Variants in KAZN observed in about 807,000 individuals in gnomAD.
KAZN encodes kazrin, periplakin interacting protein, also known as kazrin.
Under a neutral mutation model 87.4 loss-of-function variants are expected in KAZN, and 40 were observed. The ratio of observed to expected loss-of-function variants is 0.46; its 90% CI spans 0.36 to 0.60. The LOEUF is 0.60. KAZN is among the 20% of genes least tolerant of loss of function. The pLI is 0.00. For missense variants in KAZN, 898 were observed against 1,073.9 expected, an observed-to-expected ratio of 0.84 and a Z score of 2.29; for synonymous variants, 466 against 458.3, an observed-to-expected ratio of 1.02 and a Z score of -0.22.
intron 1 of KAZN, among the ~76,000 whole-genome samples, chr1:13,953,672 T>C (rs551542382): frequency 1.1e-4 from 17 of 152,306 alleles, no homozygotes; most frequent in Middle Eastern, 3.4e-3. Flanking sequence ...AGTTCACTAC[T>C]GTATTTCTAA....
intron 2 of KAZN, among the ~76,000 whole-genome samples, chr1:14,513,648 G>C (rs779974604): frequency 2.0e-5 from 3 of 152,104 alleles, no homozygotes; most frequent in African/African-American, 7.2e-5. Flanking sequence ...CTAAATGCCG[G>C]ATATTTTATA....
At chr1:14,780,204 C>T (rs1339609127) in intron 1 of KAZN, among the ~76,000 whole-genome samples, 5 of 152,186 alleles carry the variant, frequency 3.3e-5, no homozygotes, top group Non-Finnish European at 5.9e-5. Context: ...AGCCTTGGCC[C>T]GATCTTTGCT....
At chr1:14,867,724 A>ACCCCCCCCCCCCC (rs1553148134) in intron 1 of KAZN, among the ~76,000 whole-genome samples, 1 of 107,422 alleles carries the variant, frequency 9.3e-6, no homozygotes, top group African/African-American at 3.7e-5. Context: ...CTTTGAAGAC[A>ACCCCCCCCCCCCC]CCCCCCCCCC....
At chr1:14,895,319 C>A (rs946771793) in intron 1 of KAZN, among the ~76,000 whole-genome samples, 1 of 152,242 alleles carries the variant, frequency 6.6e-6, no homozygotes, top group African/African-American at 2.4e-5. Context: ...GGCAACTCTG[C>A]CAGCCAGGAA....
chr1:14,887,807 C>G (rs543739063), intron 1 of KAZN, among the ~76,000 whole-genome samples: 10 of 151,950 alleles, frequency 6.6e-5, no homozygotes, highest in Non-Finnish European at 1.2e-4. Context: ...GTTTCCCTTC[C>G]TTCTTTCTCT....
intron 8 of KAZN, among the ~76,000 whole-genome samples, chr1:15,070,974 G>A (rs1486990944): frequency 1.3e-5 from 2 of 152,214 alleles, no homozygotes; most frequent in Non-Finnish European, 2.9e-5. Context: ...CCCGGTCCCT[G>A]GCCCCCACCT....
At chr1:14,855,185 A>G (rs868832394) in intron 1 of KAZN, among the ~76,000 whole-genome samples, 1 of 152,190 alleles carries the variant, frequency 6.6e-6, no homozygotes, top group South Asian at 2.1e-4. Context: ...TAAACTGATT[A>G]GGACTTTAAG....
chr1:14,201,124 G>A (rs573742262), intron 2 of KAZN, among the ~76,000 whole-genome samples: 2 of 152,310 alleles, frequency 1.3e-5, no homozygotes, highest in African/African-American at 4.8e-5. Context: ...CAGAGATCTG[G>A]TTTTGCATCT....
At chr1:14,727,554 A>G (rs1038788568) in intron 1 of KAZN, among the ~76,000 whole-genome samples, 2 of 134,424 alleles carry the variant, frequency 1.5e-5, no homozygotes, top group Non-Finnish European at 3.0e-5. Flanking sequence ...ATCTCGGCAC[A>G]CTGCAACCTC....
intron 2 of KAZN, among the ~76,000 whole-genome samples, chr1:14,382,357 G>A (rs1661437673): frequency 6.6e-6 from 1 of 151,802 alleles, no homozygotes; most frequent in Admixed American, 6.6e-5. Flanking sequence ...TAGGGTACAT[G>A]TGCACAATGT....
chr1:14,994,855 A>T (rs1467950667), intron 2 of KAZN, among the ~76,000 whole-genome samples: 1 of 152,226 alleles, frequency 6.6e-6, no homozygotes, highest in Non-Finnish European at 1.5e-5. Context: ...ATGTCACTTC[A>T]GCCAGTTCCT....
chr1:14,873,307 G>C (rs1037499103), intron 1 of KAZN, among the ~76,000 whole-genome samples: 3 of 152,216 alleles, frequency 2.0e-5, no homozygotes, highest in African/African-American at 7.2e-5. Context: ...CTAAAGGGGA[G>C]AGTCAGATGT....
At chr1:15,037,792 G>T (rs1672490814) in intron 3 of KAZN, among the ~76,000 whole-genome samples, 2 of 152,144 alleles carry the variant, frequency 1.3e-5, no homozygotes, top group South Asian at 4.1e-4. Flanking sequence ...ACAGACCCCA[G>T]TCGTAGGTCT....
rs573144608 is a variant in KAZN, at chr1:14,939,626, T to A, written c.227-21058T>A. Reference sequence around the variant, plus strand: ...ATTGGCAGTGGGAGGTGCCTCTGCATTGGGACGTGCCTCTTGCATAGGGTG... The same window carrying A: ...ATTGGCAGTGGGAGGTGCCTCTGCAATGGGACGTGCCTCTTGCATAGGGTG... On this transcript the variant is annotated intron_variant, in intron 1 of 14. Transcript: ENST00000376030. Among the ~76,000 whole-genome samples the A allele has an allele frequency of 5.3e-5, 8 of 152,238 alleles. No individual in the cohort carries two copies. The South Asian group carries it at 1.7e-3, about 32-fold the overall frequency.
At chr1:14,693,487 G>A (rs1195465834) in intron 1 of KAZN, among the ~76,000 whole-genome samples, 2 of 152,188 alleles carry the variant, frequency 1.3e-5, no homozygotes, top group South Asian at 2.1e-4. Context: ...CTCGTCTTAC[G>A]TTGTTTTACC....
chr1:13,933,036 A>G (rs1056104437), intron 1 of KAZN, among the ~76,000 whole-genome samples: 1 of 152,196 alleles, frequency 6.6e-6, no homozygotes, highest in Non-Finnish European at 1.5e-5. Flanking sequence ...GTTAATATCT[A>G]ACATTCCAAT....
intron 1 of KAZN, among the ~76,000 whole-genome samples, chr1:14,670,154 T>G (rs1639833261): frequency 6.8e-6 from 1 of 145,998 alleles, no homozygotes; most frequent in African/African-American, 2.5e-5. Context: ...CCTTCCCTTC[T>G]TCCATCCTGC....
At chr1:14,781,360 G>C (rs78639319) in intron 1 of KAZN, among the ~76,000 whole-genome samples, 1,681 of 152,256 alleles carry the variant, frequency 0.011, 31 homozygotes, top group African/African-American at 0.038. Context: ...ATAAACCTCA[G>C]TTTCAAGTGC....
intron 2 of KAZN, among the ~76,000 whole-genome samples, chr1:14,486,845 C>CCAGG (rs1275436238): frequency 6.6e-6 from 1 of 152,188 alleles, no homozygotes; most frequent in Non-Finnish European, 1.5e-5. Flanking sequence ...ATTATACTTG[C>CCAGG]CAGGCCATCG....
Sources: allele counts gnomAD v4.1 joint callset (sites outside exome capture counted in the v4.1 genomes callset), GRCh38; gene constraint gnomAD v4.1.1; transcripts MANE v1.5; gene names NCBI Gene and HGNC (gene_info 2026-07-23, HGNC 2026-07-21).